ZNF804B: variants seen among roughly 807,000 people sequenced by gnomAD.
The protein encoded by ZNF804B is zinc finger protein 804B.
A neutral mutation model predicts 101.4 loss-of-function variants in ZNF804B; 80 were observed. The observed-to-expected ratio is 0.79, with a 90% CI of 0.66 to 0.95. ZNF804B has a LOEUF of 0.95. ZNF804B is among the 40% of genes least tolerant of loss of function. The pLI is 0.00. For missense variants in ZNF804B, 1,673 were observed against 1,561.9 expected (o/e 1.07, Z -1.20); for synonymous variants, 622 against 558.8 (o/e 1.11, Z -1.59).
intron 1 of ZNF804B, among the ~76,000 whole-genome samples, chr7:89,104,826 T>C (rs1346377765): frequency 6.6e-6 from 1 of 152,084 alleles, no homozygotes; most frequent in Non-Finnish European, 1.5e-5. Context: ...GCCATAAATT[T>C]GACAATGCTT....
chr7:89,227,103 T>C, intron 2 of ZNF804B, among the ~76,000 whole-genome samples: 1 of 152,236 alleles, frequency 6.6e-6, no homozygotes, highest in East Asian at 1.9e-4. Context: ...TGGATTACAC[T>C]TCTTGTTTCC....
intron 1 of ZNF804B, among the ~76,000 whole-genome samples, chr7:89,153,585 G>A (rs1186865726): frequency 6.6e-6 from 1 of 151,876 alleles, no homozygotes; most frequent in Non-Finnish European, 1.5e-5. Flanking sequence ...TTCACTACTA[G>A]CAATAATAGC....
In ZNF804B at chr7:89,279,562, G is replaced by A. The variant is rs1224389456; in HGVS notation, c.250-47782G>A. On this transcript the variant is annotated intron_variant, in intron 2 of 3. Coordinates refer to ENST00000333190, the MANE Select transcript of ZNF804B (RefSeq NM_181646.5). ...ATTTATTGAGAGTTTTTAGCATGAAGCGTTGTTGAATTTTGTCAAAGGCCT... is the reference window on the plus strand; with the variant it reads ...ATTTATTGAGAGTTTTTAGCATGAAACGTTGTTGAATTTTGTCAAAGGCCT... 5.9e-5 allele frequency among the ~76,000 whole-genome samples: 9 copies of A among 152,096 alleles called. No individual in the cohort carries two copies. In the East Asian group the frequency reaches 7.7e-4, roughly 13 times the overall value.
intron 1 of ZNF804B, among the ~76,000 whole-genome samples, chr7:88,968,486 G>A (rs1004745224): frequency 9.2e-5 from 14 of 151,424 alleles, no homozygotes; most frequent in Admixed American, 2.6e-4. Context: ...CACGTTCCTA[G>A]GCTTAAACAT....
At chr7:88,833,950 A>G (rs971589270) in intron 1 of ZNF804B, among the ~76,000 whole-genome samples, 1 of 151,818 alleles carries the variant, frequency 6.6e-6, no homozygotes, top group African/African-American at 2.4e-5. Context: ...TTTTTCAGGT[A>G]GAGTACAATT....
chr7:89,008,073 A>C (rs897527671), intron 1 of ZNF804B, among the ~76,000 whole-genome samples: 1 of 152,100 alleles, frequency 6.6e-6, no homozygotes, highest in Non-Finnish European at 1.5e-5. Flanking sequence ...AAATCGGTTA[A>C]AGTTATTCAT....
chr7:89,033,407 G>C (rs1788870772), intron 1 of ZNF804B, among the ~76,000 whole-genome samples: 2 of 152,084 alleles, frequency 1.3e-5, no homozygotes, highest in South Asian at 2.1e-4. Context: ...ATTATAAATA[G>C]TGCCACCACA....
At chr7:89,255,231 A>G (rs1379819966) in intron 2 of ZNF804B, among the ~76,000 whole-genome samples, 3 of 151,908 alleles carry the variant, frequency 2.0e-5, no homozygotes, top group Non-Finnish European at 4.4e-5. Flanking sequence ...ATTTCATAAG[A>G]CTCACTCGCT....
chr7:88,762,345 T>C (rs765167195), intron 1 of ZNF804B, among the ~76,000 whole-genome samples: 3 of 152,192 alleles, frequency 2.0e-5, no homozygotes, highest in Non-Finnish European at 2.9e-5. Flanking sequence ...TCTCTATCAT[T>C]GGCAGGTGGT....
chr7:88,775,234 A>G (rs190118105), intron 1 of ZNF804B, among the ~76,000 whole-genome samples: 1 of 152,320 alleles, frequency 6.6e-6, no homozygotes, highest in East Asian at 1.9e-4. Flanking sequence ...AGAGTAAATG[A>G]TGCCTAATCT....
intron 1 of ZNF804B, among the ~76,000 whole-genome samples, chr7:88,775,435 A>G (rs1348321714): frequency 6.6e-6 from 1 of 152,218 alleles, no homozygotes; most frequent in Non-Finnish European, 1.5e-5. Context: ...AAGTAGATAG[A>G]TATATGGCCT....
At chr7:89,203,189 G>T (rs150175036) in intron 1 of ZNF804B, among the ~76,000 whole-genome samples, 1 of 152,138 alleles carries the variant, frequency 6.6e-6, no homozygotes, top group East Asian at 1.9e-4. Context: ...CCACAGTATG[G>T]GTGGGCTACA....
chr7:89,007,231 G>A (rs1483335603), intron 1 of ZNF804B, among the ~76,000 whole-genome samples: 3 of 151,548 alleles, frequency 2.0e-5, no homozygotes, highest in South Asian at 2.1e-4. Flanking sequence ...TACTACCTAC[G>A]CTAAATGAGA....
chr7:89,063,098 AAAGT>A (rs1211686447), intron 1 of ZNF804B, among the ~76,000 whole-genome samples: 5 of 152,154 alleles, frequency 3.3e-5, no homozygotes, highest in Non-Finnish European at 7.4e-5. Flanking sequence ...GTTAGACATG[AAAGT>A]AAGTATATTG....
In ZNF804B at chr7:89,336,627, G is replaced by A. The variant is rs770632014; in HGVS notation, c.3645G>A (p.Gln1215=). 12 of 1,614,018 alleles carry A rather than the reference G, an allele frequency of 7.4e-6. No homozygotes were observed. Among genetic ancestry groups the A allele is most frequent in the Non-Finnish European group, 8.5e-6 (10 of 1,179,962 alleles). ...SITTIHHTFL[Q]HFAVSASLSS... ...CCACCATCCACCACACGTTCCTGCAGCATTTTGCTGTTTCTGCTTCCTTAA... is the reference window on the plus strand; with the variant it reads ...CCACCATCCACCACACGTTCCTGCAACATTTTGCTGTTTCTGCTTCCTTAA... The change falls in exon 4 of 4, where the codon CAG becomes CAA. Residue 1215 remains glutamine (Q), a synonymous_variant. Transcript: ENST00000333190.
intron 1 of ZNF804B, among the ~76,000 whole-genome samples, chr7:89,017,791 CT>C (rs1435505297): frequency 6.6e-6 from 1 of 151,866 alleles, no homozygotes; most frequent in South Asian, 2.1e-4. Flanking sequence ...AATGGGATTT[CT>C]TTTTTCAGTT....
chr7:89,206,981 C>T (rs1249625258), intron 1 of ZNF804B, among the ~76,000 whole-genome samples: 1 of 152,192 alleles, frequency 6.6e-6, no homozygotes, highest in East Asian at 1.9e-4. Context: ...ATGAGTTCCT[C>T]ATCTCCATCT....
At chr7:89,039,380 T>A (rs1053283170) in intron 1 of ZNF804B, among the ~76,000 whole-genome samples, 2 of 152,022 alleles carry the variant, frequency 1.3e-5, no homozygotes, top group Non-Finnish European at 2.9e-5. Flanking sequence ...TAAATTTCTT[T>A]TATTATTGTG....
At chr7:89,090,125 C>CATTAATTA (rs1789861083) in intron 1 of ZNF804B, among the ~76,000 whole-genome samples, 1 of 151,992 alleles carries the variant, frequency 6.6e-6, no homozygotes, top group African/African-American at 2.4e-5. Context: ...TTCCCATCAT[C>CATTAATTA]ATTAATTAAT....
Sources: gnomAD v4.1 joint callset for allele counts (sites outside exome capture counted in the v4.1 genomes callset) on GRCh38, gnomAD v4.1.1 for gene constraint, MANE v1.5 for transcripts, NCBI Gene and HGNC (gene_info 2026-07-23, HGNC 2026-07-21) for gene names.